The following UGGT2 variants were observed in gnomAD, a reference collection of about 807,000 sequenced individuals.
UGGT2 encodes the protein UDP-glucose glycoprotein glucosyltransferase 2, also known as UDP-glucose:glycoprotein glucosyltransferase 2.
Under a neutral mutation model 192.1 loss-of-function variants are expected in UGGT2, and 180 were observed. The ratio of observed to expected loss-of-function variants is 0.94; its 90% confidence interval spans 0.83 to 1.06. UGGT2 has a LOEUF of 1.06. UGGT2 is among the 50% of genes least tolerant of loss of function. The pLI, the probability that UGGT2 is intolerant of heterozygous loss-of-function variation, is 0.00. For missense variants in UGGT2, 1,849 were observed against 1,795.7 expected, an observed-to-expected ratio of 1.03 and a Z score of -0.54; for synonymous variants, 580 against 591.0, an observed-to-expected ratio of 0.98 and a Z score of 0.27.
At chr13:95,889,692 A>C (rs1465880518) in intron 25 of UGGT2, among the ~76,000 whole-genome samples, 1 of 152,224 alleles carries the variant, frequency 6.6e-6, no homozygotes, top group Non-Finnish European at 1.5e-5. Context: ...GGTAAGCCAC[A>C]TAAGTCCTTT....
chr13:95,849,461 T>C (rs930571859), intron 36 of UGGT2, among the ~76,000 whole-genome samples: 24 of 150,204 alleles, frequency 1.6e-4, no homozygotes, highest in Non-Finnish European at 1.5e-5. Context: ...GAGAATGGCG[T>C]GAACCCAGGA....
At chr13:95,928,796 G>A (rs1046322437) in intron 17 of UGGT2, among the ~76,000 whole-genome samples, 5 of 152,144 alleles carry the variant, frequency 3.3e-5, no homozygotes, top group African/African-American at 9.7e-5. Context: ...ACGGGGTGGC[G>A]GCCGGGCAGA....
chr13:95,823,874 T>C (rs1174156405), intron 38 of UGGT2, among the ~76,000 whole-genome samples: 1 of 152,096 alleles, frequency 6.6e-6, no homozygotes, highest in African/African-American at 2.4e-5. Context: ...TTTTTATTTT[T>C]TGCTTTTAAG....
At chr13:96,020,536 T>C (rs1162160083) in intron 4 of UGGT2, among the ~76,000 whole-genome samples, 1 of 152,176 alleles carries the variant, frequency 6.6e-6, no homozygotes, top group Non-Finnish European at 1.5e-5. Flanking sequence ...ATACCAGTTA[T>C]ATAATCAGAG....
At chr13:95,830,840 G>A (rs2139863638) in intron 38 of UGGT2, among the ~76,000 whole-genome samples, 1 of 152,246 alleles carries the variant, frequency 6.6e-6, no homozygotes, top group Non-Finnish European at 1.5e-5. Flanking sequence ...TATGTTTATT[G>A]CGGCACTATT....
intron 38 of UGGT2, among the ~76,000 whole-genome samples, chr13:95,823,906 T>G (rs1330608006): frequency 6.6e-6 from 1 of 152,116 alleles, no homozygotes; most frequent in Admixed American, 6.6e-5. Context: ...TAGTGCATGT[T>G]GAACTTTTGT....
At position 95,979,548 on chromosome 13, in the gene UGGT2, C is replaced by CAA. The variant is rs57487353; in HGVS notation, c.1092+4254_1092+4255dup. Among the ~76,000 whole-genome samples, 14 of 98,804 alleles carry CAA rather than the reference C, an allele frequency of 1.4e-4. 1 individual carries two copies. In the South Asian group the frequency reaches 1.7e-3, roughly 12 times the overall value. The allele number at this position is 98,804 out of a possible 152,430, so 64.8% of individuals were successfully genotyped here. ...TTCTCATTTCCCCTGGTCTCTTACGCAAAAAAAAAAAAAATACAGACTTGC... is the reference window on the plus strand; with the variant it reads ...TTCTCATTTCCCCTGGTCTCTTACGCAAAAAAAAAAAAAAAATACAGACTTGC... On this transcript the variant is annotated intron_variant, in intron 10 of 38. Transcript: ENST00000376747.
At chr13:95,899,697 C>T (rs1297840331) in intron 22 of UGGT2, among the ~76,000 whole-genome samples, 1 of 151,844 alleles carries the variant, frequency 6.6e-6, no homozygotes, top group Non-Finnish European at 1.5e-5. Context: ...TCAAAGACAG[C>T]CAAAAGCTTT....
chr13:95,936,001 G>T (rs1239141308), intron 17 of UGGT2, among the ~76,000 whole-genome samples: 1 of 151,980 alleles, frequency 6.6e-6, no homozygotes, highest in Non-Finnish European at 1.5e-5. Context: ...TAAGTTTTAA[G>T]TTTTTTTGTA....
chr13:95,939,372 G>A (rs1402543542), intron 16 of UGGT2, among the ~76,000 whole-genome samples: 1 of 151,544 alleles, frequency 6.6e-6, no homozygotes, highest in Non-Finnish European at 1.5e-5. Flanking sequence ...CATTCAATGT[G>A]TTGCGTATTT....
At chr13:95,993,926 C>T (rs1302258988) in intron 7 of UGGT2, among the ~76,000 whole-genome samples, 3 of 151,976 alleles carry the variant, frequency 2.0e-5, no homozygotes, top group Non-Finnish European at 4.4e-5. Flanking sequence ...AGAGCACTCA[C>T]CATGCTATTC....
chr13:95,891,062 T>C, intron 24 of UGGT2, 98 bp from the exon 25 acceptor site: 1 of 875,716 alleles, frequency 1.1e-6, no homozygotes, highest in Non-Finnish European at 1.7e-6. Context: ...TTGTTTTCTT[T>C]CTCACTAAAA....
At position 95,805,270 on chromosome 13, in the gene UGGT2, T is replaced by TAAA. The variant is rs199678189; in HGVS notation, c.4529-3461_4529-3459dup. Among the ~76,000 whole-genome samples, 47 of 141,986 alleles carry TAAA rather than the reference T, an allele frequency of 3.3e-4. 1 individual carries two copies. The East Asian group carries it at 4.0e-3, about 12-fold the overall frequency. 93.1% of individuals were successfully genotyped at this position (141,986 alleles called of 152,430 possible). On this transcript the variant is annotated intron_variant, in intron 38 of 38. Transcript: ENST00000376747. ...CTCAGACCCATTAGTATGACTGCTATAAAAAAAAAAAACCCAGAAAATAAG... is the reference window on the plus strand; with the variant it reads ...CTCAGACCCATTAGTATGACTGCTATAAAAAAAAAAAAAAACCCAGAAAATAAG...
At chr13:95,928,450 T>C (rs1391663571) in intron 17 of UGGT2, among the ~76,000 whole-genome samples, 4 of 149,448 alleles carry the variant, frequency 2.7e-5, no homozygotes, top group Non-Finnish European at 4.4e-5. Flanking sequence ...GGGCGGCTGC[T>C]GGGCGGAGGG....
intron 24 of UGGT2, among the ~76,000 whole-genome samples, chr13:95,892,538 A>G (rs960248623): frequency 6.6e-6 from 1 of 152,182 alleles, no homozygotes; most frequent in African/African-American, 2.4e-5. Flanking sequence ...GCTTAGGTAT[A>G]CACAGTTAAT....
At chr13:95,876,796 T>C (rs1891720740) in intron 29 of UGGT2, 1 of 152,566 alleles carries the variant, frequency 6.6e-6, no homozygotes, top group Non-Finnish European at 1.5e-5. Context: ...GTTGTTCAAA[T>C]TGATGTTTCT....
chr13:95,976,037 TA>T (rs1440178692), intron 10 of UGGT2, among the ~76,000 whole-genome samples: 1 of 152,138 alleles, frequency 6.6e-6, no homozygotes, highest in African/African-American at 2.4e-5. Flanking sequence ...CCTATTATGC[TA>T]ATGAATAGAT....
chr13:95,831,578 A>C (rs1241194754), intron 38 of UGGT2, among the ~76,000 whole-genome samples: 1 of 152,140 alleles, frequency 6.6e-6, no homozygotes, highest in Admixed American at 6.6e-5. Context: ...AATAAACACC[A>C]ATATAGACAT....
chr13:95,912,239 C>A (rs930931567), intron 20 of UGGT2, among the ~76,000 whole-genome samples: 6 of 152,132 alleles, frequency 3.9e-5, no homozygotes, highest in African/African-American at 1.4e-4. Context: ...CTGGCCAGGG[C>A]AGTCAGGCAA....
Sources: gnomAD v4.1 joint callset for allele counts (sites outside exome capture counted in the v4.1 genomes callset) on GRCh38, gnomAD v4.1.1 for gene constraint, MANE v1.5 for transcripts, NCBI Gene and HGNC (gene_info 2026-07-23, HGNC 2026-07-21) for gene names.